Variants in DYM observed in about 807,000 individuals in gnomAD.
DYM encodes dyggve-Melchior-Clausen syndrome protein.
In DYM, 78 loss-of-function variants were observed where a neutral mutation model predicts 93.1. That is an observed-to-expected ratio of 0.84 (90% confidence interval 0.70 to 1.01). The LOEUF is 1.01. Among genes scored for constraint, DYM ranks in the 50% least tolerant of loss-of-function variants. The pLI, the probability that DYM is intolerant of heterozygous loss-of-function variation, is 0.00. For missense variants in DYM, 789 were observed against 845.0 expected (o/e 0.93, Z 0.82); for synonymous variants, 321 against 319.7 (o/e 1.00, Z -0.04).
chr18:49,350,726 G>GAAAAAAAAAAAA (rs72289769), intron 6 of DYM, among the ~76,000 whole-genome samples: 26 of 119,896 alleles, frequency 2.2e-4, no homozygotes, highest in Non-Finnish European at 2.5e-4. Context: ...GAAAAAAAAA[G>GAAAAAAAAAAAA]AAAAAAAAAA....
chr18:49,225,164 T>C (rs992444651), intron 13 of DYM, among the ~76,000 whole-genome samples: 6 of 152,182 alleles, frequency 3.9e-5, no homozygotes, highest in Non-Finnish European at 5.9e-5. Flanking sequence ...GCATTAAATA[T>C]GCATTAAGTT....
intron 2 of DYM, among the ~76,000 whole-genome samples, chr18:49,420,397 G>A (rs376532540): frequency 6.6e-6 from 1 of 152,096 alleles, no homozygotes; most frequent in Admixed American, 6.5e-5. Context: ...TTGAACTGCT[G>A]AATTCAGGTG....
chr18:49,067,309 GA>G, intron 17 of DYM, among the ~76,000 whole-genome samples: 1 of 132,884 alleles, frequency 7.5e-6, no homozygotes, highest in Non-Finnish European at 1.5e-5. Flanking sequence ...AGGTTCAGTA[GA>G]GGAAGGAGTG....
intron 6 of DYM, among the ~76,000 whole-genome samples, chr18:49,355,339 GTATC>G (rs1480153659): frequency 3.3e-5 from 5 of 151,716 alleles, no homozygotes; most frequent in African/African-American, 1.2e-4. Context: ...ATAGACAGAT[GTATC>G]TATCAATAAT....
intron 14 of DYM, among the ~76,000 whole-genome samples, chr18:49,175,190 T>C (rs1394614378): frequency 2.0e-5 from 3 of 152,178 alleles, no homozygotes; most frequent in African/African-American, 7.2e-5. Context: ...AAGGCCTTGA[T>C]TGTAGATCCT....
intron 9 of DYM, among the ~76,000 whole-genome samples, chr18:49,284,740 T>A (rs1261526986): frequency 1.3e-5 from 2 of 152,196 alleles, no homozygotes; most frequent in Non-Finnish European, 2.9e-5. Context: ...AGCCATACTG[T>A]CACCAAGAAG....
At chr18:49,055,037 T>C (rs1333599305) in intron 17 of DYM, among the ~76,000 whole-genome samples, 1 of 152,142 alleles carries the variant, frequency 6.6e-6, no homozygotes, top group Non-Finnish European at 1.5e-5. Flanking sequence ...GGAGAGAAAC[T>C]TAATCTTCGG....
intron 2 of DYM, among the ~76,000 whole-genome samples, chr18:49,426,601 G>A (rs1024708022): frequency 7.3e-5 from 11 of 151,468 alleles, no homozygotes; most frequent in Admixed American, 2.0e-4. Context: ...AACAGTTCAC[G>A]GAAAAGGAAA....
At chr18:49,053,181 A>G (rs149124330) in intron 17 of DYM, among the ~76,000 whole-genome samples, 52 of 152,324 alleles carry the variant, frequency 3.4e-4, no homozygotes, top group Admixed American at 9.2e-4. Context: ...CAGCTCAGAG[A>G]CAAAGCAAGG....
At chr18:49,171,595 A>G (rs1366489490) in intron 14 of DYM, among the ~76,000 whole-genome samples, 2 of 152,172 alleles carry the variant, frequency 1.3e-5, no homozygotes, top group Non-Finnish European at 2.9e-5. Flanking sequence ...AAACCAAAAA[A>G]CTATTAAAAT....
chr18:49,063,002 T>C (rs530013889), intron 17 of DYM, among the ~76,000 whole-genome samples: 1 of 152,320 alleles, frequency 6.6e-6, no homozygotes, highest in Admixed American at 6.5e-5. Flanking sequence ...TGGAATATTT[T>C]GCCATGATCG....
chr18:49,085,606 CTTTTTTT>C (rs11437833), intron 17 of DYM, among the ~76,000 whole-genome samples: 1 of 102,156 alleles, frequency 9.8e-6, no homozygotes, highest in Non-Finnish European at 2.0e-5. Context: ...ACAACTGGTC[CTTTTTTT>C]TTTTTTTTTT....
intron 8 of DYM, among the ~76,000 whole-genome samples, chr18:49,323,443 A>T (rs1480767784): frequency 6.6e-6 from 1 of 152,212 alleles, no homozygotes; most frequent in Admixed American, 6.5e-5. Flanking sequence ...GTCACCCTCA[A>T]AATTCCTATC....
chr18:49,285,303 C>T (rs1401456322), intron 9 of DYM, among the ~76,000 whole-genome samples: 1 of 152,144 alleles, frequency 6.6e-6, no homozygotes. Flanking sequence ...ATCAGAATAA[C>T]CCGGAAGAAT....
chr18:49,231,135 T>A (rs1176528626), intron 13 of DYM, among the ~76,000 whole-genome samples: 1 of 152,222 alleles, frequency 6.6e-6, no homozygotes, highest in Non-Finnish European at 1.5e-5. Flanking sequence ...CATTACTCCA[T>A]CCTTTAAAAA....
intron 17 of DYM, among the ~76,000 whole-genome samples, chr18:49,076,468 T>C (rs2145028638): frequency 6.6e-6 from 1 of 152,308 alleles, no homozygotes; most frequent in Admixed American, 6.5e-5. Context: ...AGGTACCATA[T>C]AAAATCATTT....
At chr18:49,426,693 C>G (rs2074323782) in intron 2 of DYM, among the ~76,000 whole-genome samples, 1 of 151,644 alleles carries the variant, frequency 6.6e-6, no homozygotes, top group East Asian at 1.9e-4. Context: ...GGACCACTAT[C>G]CAAAACTTGC....
intron 17 of DYM, among the ~76,000 whole-genome samples, chr18:49,057,472 C>G (rs2075599574): frequency 6.6e-6 from 1 of 152,232 alleles, no homozygotes; most frequent in Non-Finnish European, 1.5e-5. Flanking sequence ...GGCAAGGGAG[C>G]TGGGAGTCAT....
chr18:49,292,351 GACAGACACACACACACACACAC>G (rs2060186982), intron 8 of DYM, among the ~76,000 whole-genome samples: 3 of 106,680 alleles, frequency 2.8e-5, no homozygotes, highest in Non-Finnish European at 5.5e-5. Flanking sequence ...CAGACAGACA[GACAGACACACACACACACACAC>G]ACACACACAC....
Sources: gnomAD v4.1 joint callset for allele counts (sites outside exome capture counted in the v4.1 genomes callset) on GRCh38, gnomAD v4.1.1 for gene constraint, MANE v1.5 for transcripts, NCBI Gene and HGNC (gene_info 2026-07-23, HGNC 2026-07-21) for gene names.